JAK1: variants seen among roughly 807,000 people sequenced by gnomAD.
JAK1 encodes tyrosine-protein kinase JAK1.
A neutral mutation model predicts 136.6 loss-of-function variants in JAK1; 16 were observed. That is an observed-to-expected ratio of 0.12 (90% CI 0.08 to 0.18). JAK1 has a LOEUF of 0.18. Ranked by LOEUF, JAK1 falls within the 10% of genes least tolerant of loss-of-function variation. JAK1 has a pLI of 1.00. For missense variants in JAK1, 859 were observed against 1,450.1 expected, an observed-to-expected ratio of 0.59 and a Z score of 6.62; for synonymous variants, 492 against 519.5, an observed-to-expected ratio of 0.95 and a Z score of 0.72.
chr1:64,949,056 G>C (rs1453115126), intron 1 of JAK1, among the ~76,000 whole-genome samples: 1 of 152,202 alleles, frequency 6.6e-6, no homozygotes, highest in Non-Finnish European at 1.5e-5. Context: ...GGAAAGGAAG[G>C]CTGTGACCAT....
intron 12 of JAK1, 122 bp downstream of exon 12, chr1:64,850,682 C>G (rs189775402): frequency 4.4e-6 from 3 of 687,142 alleles, no homozygotes; most frequent in Admixed American, 4.4e-5. Context: ...AAAGGAAAGT[C>G]TCCCTGTTCT....
chr1:65,041,600 C>A (rs1647133266), intron 2 of JAK1, among the ~76,000 whole-genome samples: 1 of 152,184 alleles, frequency 6.6e-6, no homozygotes, highest in South Asian at 2.1e-4. Flanking sequence ...TGTTCCTGTA[C>A]ACAGACATTT....
chr1:64,941,919 A>T (rs1645897142), intron 1 of JAK1: 1 of 152,222 alleles, frequency 6.6e-6, no homozygotes, highest in Non-Finnish European at 1.5e-5. Flanking sequence ...AAAGCCCTAG[A>T]GAAAGCCCTA....
chr1:64,834,358 G>T lies in JAK1; in HGVS notation c.*204C>A. 1 of 417,532 alleles carries T rather than the reference G, an allele frequency of 2.4e-6. No individual in the cohort carries two copies. The highest frequency in any genetic ancestry group is 4.4e-6 in the Non-Finnish European group (1 of 229,236). 25.9% of individuals were successfully genotyped at this position (417,532 alleles called of 1,614,324 possible). On this transcript the variant is annotated 3_prime_UTR_variant, in exon 25 of 25. Transcript: ENST00000342505. ...TGTCATTATGTGTCACTAAGTTACT[G>T]GTACCAAATTTAAAGAGGAAGTCCT...
intron 2 of JAK1, among the ~76,000 whole-genome samples, chr1:65,030,955 A>T (rs1035788808): frequency 6.6e-6 from 1 of 151,984 alleles, no homozygotes; most frequent in Non-Finnish European, 1.5e-5. Flanking sequence ...GGAGTTTAAG[A>T]CCCCCCTAGA....
intron 21 of JAK1, 150 bp downstream of exon 21, chr1:64,838,315 G>T: frequency 1.1e-6 from 1 of 896,810 alleles, no homozygotes; most frequent in Middle Eastern, 3.1e-4. Flanking sequence ...TACTTTCTTA[G>T]TAGAAGCTAA....
intron 20 of JAK1, 48 bp from the exon 21 acceptor site, chr1:64,838,637 C>T (rs1349283238): frequency 1.9e-6 from 3 of 1,602,108 alleles, no homozygotes; most frequent in Non-Finnish European, 1.7e-6. Context: ...AATGAGGGAA[C>T]CATGGGAGAG....
Position 64,844,297 on chromosome 1 carries a change from G to T in JAK1, c.2252-82C>A. The T allele has an allele frequency of 6.5e-7, 1 of 1,547,714 alleles. No individual in the cohort carries two copies. ...TTACTGTCACTGCAGCCAGAACAGT[G>T]AGCCAATGAAGGAACTACTTCAAGC... On this transcript the variant is annotated intron_variant, in intron 16 of 24. Coordinates refer to ENST00000342505, the MANE Select transcript of JAK1 (RefSeq NM_002227.4). This position sits in a 1 kb window ranked among gnomAD's most constrained non-coding sequence, Gnocchi z 5.7.
rs1184098450 is a variant in JAK1, at chr1:64,857,694, T to C, written c.1420A>G (p.Asn474Asp). 1 of 1,614,218 alleles carries C rather than the reference T, an allele frequency of 6.2e-7. No individual in the cohort carries two copies. Among genetic ancestry groups the C allele is most frequent in the East Asian group, 2.2e-5 (1 of 44,874 alleles). ...VLRWSCTDFD[N>D]ILMTVTCFEK... ...AAGCAGGTGACGGTCATGAGGATGT[T>C]GTCAAAGTCGGTGCAGCTCCACCTC... Residue 474 changes from asparagine to aspartate, a missense_variant, in exon 10 of 25, where the codon AAC becomes GAC. By Grantham distance (23) the Asn-to-Asp change is conservative. This residue lies in a region of JAK1 where 409 missense variants were observed against 753.8 expected (regional missense o/e 0.54). Coordinates refer to ENST00000342505, the MANE Select transcript of JAK1 (RefSeq NM_002227.4).
At chr1:64,859,910 G>A (rs1476744053) in intron 9 of JAK1, 195 bp downstream of exon 9, 3 of 417,230 alleles carry the variant, frequency 7.2e-6, no homozygotes, top group African/African-American at 6.0e-5. Context: ...GCATTGAGGG[G>A]CTGCTGCAAA....
chr1:64,991,504 G>T (rs959388640), intron 2 of JAK1: 6 of 152,156 alleles, frequency 3.9e-5, no homozygotes, highest in African/African-American at 1.4e-4. Context: ...AAATCTAATT[G>T]TCTCAAACTA....
chr1:64,915,348 T>C (rs1444934873), intron 1 of JAK1, among the ~76,000 whole-genome samples: 3 of 151,866 alleles, frequency 2.0e-5, no homozygotes, highest in Admixed American at 6.6e-5. Context: ...AAAAAAAAAA[T>C]TGACTTCGAT....
At chr1:64,941,205 G>T (rs1171205321) in intron 1 of JAK1, among the ~76,000 whole-genome samples, 1 of 152,054 alleles carries the variant, frequency 6.6e-6, no homozygotes, top group African/African-American at 2.4e-5. Flanking sequence ...AAGTTTTGTG[G>T]TTATTATAAG....
At chr1:64,937,506 G>T (rs1208778510) in intron 1 of JAK1, among the ~76,000 whole-genome samples, 1 of 152,126 alleles carries the variant, frequency 6.6e-6, no homozygotes. Flanking sequence ...AGCCTTTCTA[G>T]AAAGAAAGGA....
At chr1:65,067,400 CCAGGCCGGCTCCGACGCGCCG>C (rs940617127) in intron 1 of JAK1, among the ~76,000 whole-genome samples, 2 of 148,970 alleles carry the variant, frequency 1.3e-5, no homozygotes, top group African/African-American at 4.9e-5. Flanking sequence ...TCCCGCGTCC[CCAGGCCGGCTCCGACGCGCCG>C]CGAGACGGGG....
At position 65,037,692 on chromosome 1, in the gene JAK1, A is replaced by C. The variant is rs11208571; in HGVS notation, c.-78+6788T>G. ...AGCCTGCACAACATAGAAAGACCCC[A>C]TCTCTAGAAAGAATTTAAAAATTTA... is the stretch of plus-strand genomic sequence containing the variant. On this transcript the variant is annotated intron_variant, in intron 2 of 25. Transcript: ENST00000671954. Among the ~76,000 whole-genome samples the C allele has an allele frequency of 9.1e-3, 1,388 of 152,128 alleles. 14 individuals carry two copies. Among genetic ancestry groups the C allele is most frequent in the African/African-American group, 0.032 (1,321 of 41,492 alleles).
intron 8 of JAK1, among the ~76,000 whole-genome samples, chr1:64,863,539 TAA>T (rs35358275): frequency 6.0e-5 from 9 of 150,170 alleles, no homozygotes; most frequent in African/African-American, 2.0e-4. Context: ...GTTTTTTGTT[TAA>T]AAAAAAAGGA....
intron 2 of JAK1, among the ~76,000 whole-genome samples, chr1:65,012,965 G>A (rs1180276312): frequency 3.3e-5 from 5 of 151,244 alleles, no homozygotes; most frequent in Admixed American, 2.0e-4. Context: ...GCGTGGTGGC[G>A]AGCACCTGTA....
chr1:64,865,988 C>T (rs974372811), intron 7 of JAK1, among the ~76,000 whole-genome samples: 41 of 152,086 alleles, frequency 2.7e-4, no homozygotes, highest in African/African-American at 8.9e-4. Flanking sequence ...TCAAACTCCT[C>T]GGCTCAAGTG....
Sources: gnomAD v4.1 joint callset for allele counts (sites outside exome capture counted in the v4.1 genomes callset) on GRCh38, gnomAD v4.1.1 for gene constraint, gnomAD v4.1.1 regional missense constraint, Gnocchi (gnomAD v3.1) non-coding constraint, MANE v1.5 for transcripts, NCBI Gene and HGNC (gene_info 2026-07-23, HGNC 2026-07-21) for gene names.